ATP6V1B2: variants seen among roughly 807,000 people sequenced by gnomAD.
The protein encoded by ATP6V1B2 is ATPase H+ transporting V1 subunit B2, also known as V-type proton ATPase subunit B, brain isoform.
Under a neutral mutation model 66.7 loss-of-function variants are expected in ATP6V1B2, and 23 were observed. The observed-to-expected ratio is 0.34, with a 90% CI of 0.25 to 0.49. The LOEUF (loss-of-function observed/expected upper bound fraction) is 0.49, where lower values mean the gene tolerates loss of function less well. Among genes scored for constraint, ATP6V1B2 ranks in the 20% least tolerant of loss-of-function variants. The pLI is 0.99. For synonymous variants in ATP6V1B2, 278 were observed against 236.7 expected (o/e 1.17, Z -1.60); for missense variants, 478 against 650.8 (o/e 0.73, Z 2.89).
chr8:20,208,303 A>C (rs2072758262), intron 2 of ATP6V1B2, among the ~76,000 whole-genome samples: 1 of 152,176 alleles, frequency 6.6e-6, no homozygotes. Flanking sequence ...AGCTGAATGA[A>C]AGGTAGTGTA....
rs759770423 is a variant in ATP6V1B2, at chr8:20,209,413, C to A, written c.193-20C>A. 4 of 1,609,508 alleles carry A rather than the reference C, an allele frequency of 2.5e-6. No homozygotes were observed. The South Asian group carries it at 3.3e-5, about 13-fold the overall frequency. On this transcript the variant is annotated intron_variant, in intron 2 of 13. Coordinates refer to ENST00000276390, the MANE Select transcript of ATP6V1B2 (RefSeq NM_001693.4). ...GCTTGTAAAATGTCGGATATTGATC[C>A]TTTATTTTTTTCTCTTTAGTTTCCC...
intron 1 of ATP6V1B2, 113 bp from the exon 2 acceptor site, chr8:20,204,371 T>C (rs2072716970): frequency 1.2e-6 from 1 of 846,250 alleles, no homozygotes; most frequent in African/African-American, 1.7e-5. Flanking sequence ...TATTTGAGTG[T>C]ACCGTATTCT....
chr8:20,220,158 TC>T, intron 13 of ATP6V1B2, 104 bp from the exon 14 acceptor site: 1 of 1,334,160 alleles, frequency 7.5e-7, no homozygotes, highest in Non-Finnish European at 1.0e-6. Flanking sequence ...CTTTTTTTTT[TC>T]AATATCTATT....
chr8:20,204,630 T>A (rs889170497), intron 2 of ATP6V1B2, 91 bp downstream of exon 2: 1 of 1,161,276 alleles, frequency 8.6e-7, no homozygotes, highest in East Asian at 2.5e-5. Flanking sequence ...GTTATGATTT[T>A]TAAGCCATAC....
At chr8:20,212,945 G>A (rs923709985) in intron 9 of ATP6V1B2, 40 bp downstream of exon 9, 1 of 1,610,928 alleles carries the variant, frequency 6.2e-7, no homozygotes, top group African/African-American at 1.3e-5. Context: ...AACAAAATTG[G>A]TTAATTTTCA....
chr8:20,201,250 A>G (rs1216671027), intron 1 of ATP6V1B2, among the ~76,000 whole-genome samples: 1 of 152,162 alleles, frequency 6.6e-6, no homozygotes. Flanking sequence ...ATTCTTTTTC[A>G]TTTGGAGAGG....
rs1479395482 is a variant in ATP6V1B2 at position 20,210,628 on chromosome 8, G to C, written c.445G>C (p.Asp149His). 1.2e-6 allele frequency: 2 copies of C among 1,613,706 alleles called. No individual in the cohort carries two copies. The highest frequency in any genetic ancestry group is 2.2e-5 in the South Asian group (2 of 91,072). ...CAGAGGTCCTGTTGTACTGGCCGAA[G>C]ACTTCCTTGATATCATGGGTAGGTA... Reference protein sequence around the residue: ...IDRGPVVLAEDFLDIMGQPIN... With the variant: ...IDRGPVVLAEHFLDIMGQPIN... The change falls in exon 5 of 14, where the codon GAC becomes CAC. Residue 149 changes from aspartate (D) to histidine (H), a missense_variant. Physicochemically the swap from Asp to His is moderately conservative, Grantham distance 81. This residue lies in a region of ATP6V1B2 where 326 missense variants were observed against 545.6 expected (regional missense o/e 0.60). Coordinates refer to ENST00000276390, the MANE Select transcript of ATP6V1B2 (RefSeq NM_001693.4).
chr8:20,215,738 C>G (rs772242368), intron 10 of ATP6V1B2: 1 of 152,072 alleles, frequency 6.6e-6, no homozygotes, highest in Non-Finnish European at 1.5e-5. Flanking sequence ...CTGCCTCTGA[C>G]GTGAAAATGA....
chr8:20,217,327 A>G lies in ATP6V1B2; in HGVS notation c.1266+3A>G. ...ATGCCGATGTATCTAACCAGCTAGT[A>G]TGTACATTCTTCTAAGAATGGTGTT... On this transcript the variant is annotated splice_donor_region_variant and intron_variant, in intron 12 of 13. Transcript: ENST00000276390. 1 of 1,598,978 alleles carries G rather than the reference A, an allele frequency of 6.3e-7. No homozygotes were observed. Among genetic ancestry groups the G allele is most frequent in the Non-Finnish European group, 8.6e-7 (1 of 1,166,430 alleles).
chr8:20,205,565 AG>A (rs2072730410), intron 2 of ATP6V1B2, among the ~76,000 whole-genome samples: 1 of 152,226 alleles, frequency 6.6e-6, no homozygotes, highest in Admixed American at 6.5e-5. Flanking sequence ...GTTATAGGTG[AG>A]GGAAGACTGG....
At chr8:20,204,650 G>A (rs558158291) in intron 2 of ATP6V1B2, 111 bp downstream of exon 2, 4 of 865,486 alleles carry the variant, frequency 4.6e-6, no homozygotes, top group South Asian at 1.9e-5. Context: ...CTTTAGACTG[G>A]GTGTCAGTCA....
rs936677479 is a variant in ATP6V1B2 at position 20,220,678 on chromosome 8, G to C, written c.*276G>C. The C allele has an allele frequency of 6.7e-6, 2 of 297,464 alleles. No individual in the cohort carries two copies. Among genetic ancestry groups the C allele is most frequent in the Non-Finnish European group, 6.0e-6 (1 of 165,586 alleles). 18.4% of individuals were successfully genotyped at this position (297,464 alleles called of 1,614,324 possible). On this transcript the variant is annotated 3_prime_UTR_variant, in exon 14 of 14. Coordinates refer to ENST00000276390, the MANE Select transcript of ATP6V1B2 (RefSeq NM_001693.4). ...TGCTGTATGTATTGTACATAGTGGA[G>C]TAGTTAGTTACCTGATAACAGTCTT...
chr8:20,214,734 A>G (rs1327520838), intron 9 of ATP6V1B2, 84 bp from the exon 10 acceptor site: 4 of 1,402,970 alleles, frequency 2.9e-6, no homozygotes, highest in Admixed American at 2.6e-5. Flanking sequence ...TCAACTTTGT[A>G]CTTTGGCATG....
intron 1 of ATP6V1B2, among the ~76,000 whole-genome samples, chr8:20,201,590 G>A (rs1054020839): frequency 2.6e-5 from 4 of 152,046 alleles, no homozygotes; most frequent in Non-Finnish European, 4.4e-5. Context: ...GAAGACTAAG[G>A]CCAGAAATAT....
intron 1 of ATP6V1B2, among the ~76,000 whole-genome samples, chr8:20,203,648 G>A (rs182147036): frequency 1.1e-4 from 17 of 152,030 alleles, no homozygotes; most frequent in African/African-American, 4.1e-4. Flanking sequence ...AATTTTGTAG[G>A]TGTCTGGTAG....
chr8:20,197,584 A>G, intron 1 of ATP6V1B2, 42 bp downstream of exon 1: 2 of 1,329,376 alleles, frequency 1.5e-6, no homozygotes, highest in Non-Finnish European at 1.9e-6. Context: ...TTTGCTCCCT[A>G]GCCTAGCCCT....
chr8:20,218,289 T>C lies in ATP6V1B2; in HGVS notation c.1396+7T>C. ...AGGAACTTCATTGCTCAGGGTAAGATGACTGTTGGCTTACAAACATAAAAA... is the reference window on the plus strand; with the variant it reads ...AGGAACTTCATTGCTCAGGGTAAGACGACTGTTGGCTTACAAACATAAAAA... On this transcript the variant is annotated splice_region_variant and intron_variant, in intron 13 of 13. Coordinates refer to ENST00000276390, the MANE Select transcript of ATP6V1B2 (RefSeq NM_001693.4). The C allele has an allele frequency of 6.2e-7, 1 of 1,611,384 alleles. No individual in the cohort carries two copies. Among genetic ancestry groups the C allele is most frequent in the Non-Finnish European group, 8.5e-7 (1 of 1,178,750 alleles).
At chr8:20,201,125 G>C (rs2072681602) in intron 1 of ATP6V1B2, among the ~76,000 whole-genome samples, 1 of 152,154 alleles carries the variant, frequency 6.6e-6, no homozygotes, top group African/African-American at 2.4e-5. Context: ...TGATAGTTCA[G>C]AATCAAAGCC....
chr8:20,209,480 A>C lies in ATP6V1B2; in HGVS notation c.240A>C (p.Thr80=). The change falls in exon 3 of 14, where the codon ACA becomes ACC. Residue 80 remains threonine, a synonymous_variant. Coordinates refer to ENST00000276390, the MANE Select transcript of ATP6V1B2 (RefSeq NM_001693.4). ...TCCATTTGACCTTACCGGATGGCAC[A>C]AAGAGAAGTGGGCAAGTTCTGGAAG... ...EIVHLTLPDG[T]KRSGQVLEVS... is the part of the protein sequence containing the mutation. 1 of 1,614,074 alleles carries C rather than the reference A, an allele frequency of 6.2e-7. No homozygotes were observed. The highest frequency in any genetic ancestry group is 1.1e-5 in the South Asian group (1 of 91,082).
Sources: allele counts gnomAD v4.1 joint callset (sites outside exome capture counted in the v4.1 genomes callset), GRCh38; gene constraint gnomAD v4.1.1; regional missense constraint gnomAD v4.1.1; transcripts MANE v1.5; gene names NCBI Gene and HGNC (gene_info 2026-07-23, HGNC 2026-07-21).